UST: variants seen among roughly 807,000 people sequenced by gnomAD.
UST encodes the protein chondroitin sulfate 2-O-sulfotransferase.
A neutral mutation model predicts 45.6 loss-of-function variants in UST; 21 were observed. That is an observed-to-expected ratio of 0.46 (90% CI 0.33 to 0.66). The LOEUF is 0.66. Ranked by LOEUF, UST falls within the 30% of genes least tolerant of loss-of-function variation. The pLI is 0.02. For missense variants in UST, 463 were observed against 512.4 expected (o/e 0.90, Z 0.93); for synonymous variants, 215 against 200.6 (o/e 1.07, Z -0.61).
At chr6:148,911,761 G>T (rs1399604193) in intron 2 of UST, among the ~76,000 whole-genome samples, 1 of 151,362 alleles carries the variant, frequency 6.6e-6, no homozygotes, top group African/African-American at 2.4e-5. Context: ...TTTGTATATT[G>T]TCTCCATTCC....
At chr6:148,949,061 CG>C (rs1190068398) in intron 3 of UST, among the ~76,000 whole-genome samples, 2 of 151,974 alleles carry the variant, frequency 1.3e-5, no homozygotes, top group Non-Finnish European at 2.9e-5. Flanking sequence ...CAGGCCAAGG[CG>C]GGTGGATCAC....
At chr6:149,058,556 A>G (rs1353192247) in intron 7 of UST, among the ~76,000 whole-genome samples, 11 of 152,186 alleles carry the variant, frequency 7.2e-5, no homozygotes, top group Admixed American at 7.2e-4. Context: ...CTGCTGCAAT[A>G]GTATTTCTCT....
intron 1 of UST, among the ~76,000 whole-genome samples, chr6:148,763,512 AT>A (rs1280793773): frequency 6.6e-6 from 1 of 152,086 alleles, no homozygotes; most frequent in Non-Finnish European, 1.5e-5. Context: ...CTTTAGTTTA[AT>A]TAAGTCCCTT....
At chr6:148,920,646 A>T (rs1779685655) in intron 2 of UST, among the ~76,000 whole-genome samples, 1 of 152,170 alleles carries the variant, frequency 6.6e-6, no homozygotes, top group Non-Finnish European at 1.5e-5. Flanking sequence ...CTTCCACCTC[A>T]GCCTCCTGAG....
intron 5 of UST, among the ~76,000 whole-genome samples, chr6:148,985,759 G>A (rs576922872): frequency 5.9e-5 from 9 of 152,192 alleles, no homozygotes; most frequent in Admixed American, 2.0e-4. Flanking sequence ...GGAAGAGGTA[G>A]GTCCTCAGAA....
intron 1 of UST, among the ~76,000 whole-genome samples, chr6:148,880,541 A>T (rs888331204): frequency 6.6e-6 from 1 of 152,240 alleles, no homozygotes; most frequent in Admixed American, 6.5e-5. Flanking sequence ...AAGTCCTCCA[A>T]GTGCTCCAAC....
At chr6:148,866,518 G>T (rs1275110216) in intron 1 of UST, among the ~76,000 whole-genome samples, 1 of 152,108 alleles carries the variant, frequency 6.6e-6, no homozygotes, top group Admixed American at 6.5e-5. Flanking sequence ...TTGAATGAGA[G>T]CACTACCTAG....
At chr6:148,869,774 C>G (rs1778513717) in intron 1 of UST, among the ~76,000 whole-genome samples, 1 of 152,158 alleles carries the variant, frequency 6.6e-6, no homozygotes, top group Non-Finnish European at 1.5e-5. Context: ...TTACCCGTTT[C>G]CCTAAAGCAT....
intron 2 of UST, among the ~76,000 whole-genome samples, chr6:148,921,404 C>A (rs896801262): frequency 2.0e-5 from 3 of 152,186 alleles, no homozygotes; most frequent in Non-Finnish European, 4.4e-5. Context: ...GCAATCATAA[C>A]TTGCTTTTTC....
chr6:148,971,118 T>C (rs913685794), intron 5 of UST, among the ~76,000 whole-genome samples: 2 of 152,180 alleles, frequency 1.3e-5, no homozygotes, highest in African/African-American at 4.8e-5. Context: ...ATTCTGACAC[T>C]TGGCTATGCC....
intron 5 of UST, among the ~76,000 whole-genome samples, chr6:149,015,088 G>C (rs1202983961): frequency 6.6e-6 from 1 of 152,156 alleles, no homozygotes; most frequent in Non-Finnish European, 1.5e-5. Flanking sequence ...ACTGGAGGCA[G>C]TGACTGGAGT....
intron 7 of UST, among the ~76,000 whole-genome samples, chr6:149,031,916 A>G (rs553119677): frequency 1.1e-4 from 17 of 152,326 alleles, no homozygotes; most frequent in African/African-American, 4.1e-4. Flanking sequence ...TGCCAAGTGG[A>G]CGTGGAAGGA....
intron 5 of UST, among the ~76,000 whole-genome samples, chr6:148,984,003 G>T (rs1054929315): frequency 9.9e-5 from 15 of 152,088 alleles, no homozygotes; most frequent in African/African-American, 1.7e-4. Flanking sequence ...TTCTTCCTGG[G>T]TTTTTTCCTT....
At chr6:148,961,192 A>C (rs944740041) in intron 4 of UST, among the ~76,000 whole-genome samples, 2 of 152,244 alleles carry the variant, frequency 1.3e-5, no homozygotes, top group African/African-American at 4.8e-5. Flanking sequence ...GTGCTTACAG[A>C]GTCGGGGAAT....
chr6:148,823,844 G>A (rs1355140298), intron 1 of UST, among the ~76,000 whole-genome samples: 1 of 152,156 alleles, frequency 6.6e-6, no homozygotes, highest in East Asian at 1.9e-4. Context: ...GATGATGCAG[G>A]ATGTTCGATG....
chr6:148,831,068 G>GGT, intron 1 of UST, among the ~76,000 whole-genome samples: 1 of 111,486 alleles, frequency 9.0e-6, no homozygotes, highest in Non-Finnish European at 2.2e-5. Context: ...AGAAAGAAAA[G>GGT]GGGGGGGTGG....
intron 7 of UST, among the ~76,000 whole-genome samples, chr6:149,070,022 A>T (rs1391709939): frequency 6.6e-6 from 1 of 152,218 alleles, no homozygotes; most frequent in East Asian, 1.9e-4. Flanking sequence ...CTTTACAAGG[A>T]TCTAGGCTCC....
At position 148,944,508 on chromosome 6, in the gene UST, T is replaced by TACACACACACACACAC. The variant is rs10663979; in HGVS notation, c.447+3098_447+3113dup. Reference sequence around the variant, plus strand: ...GCTCTCTGGAGGGTAGTTGTGATCATACACACACACACACACACACACACA... The same window carrying TACACACACACACACAC: ...GCTCTCTGGAGGGTAGTTGTGATCATACACACACACACACACACACACACACACACACACACACACA... On this transcript the variant is annotated intron_variant, in intron 3 of 7. Transcript: ENST00000367463. Among the ~76,000 whole-genome samples the TACACACACACACACAC allele has an allele frequency of 5.6e-5, 8 of 142,636 alleles. No homozygotes were observed. In the East Asian group the frequency reaches 6.1e-4, roughly 11 times the overall value. 93.6% of individuals were successfully genotyped at this position (142,636 alleles called of 152,430 possible). A position where few individuals can be genotyped will look rare whatever the true frequency, so the allele number is the denominator to read the frequency against.
At chr6:149,071,122 G>T (rs947985100) in intron 7 of UST, among the ~76,000 whole-genome samples, 2 of 152,106 alleles carry the variant, frequency 1.3e-5, no homozygotes, top group Admixed American at 1.3e-4. Context: ...TCACCCTGTT[G>T]TGCTATCAAA....
Sources: allele counts gnomAD v4.1 joint callset (sites outside exome capture counted in the v4.1 genomes callset), GRCh38; gene constraint gnomAD v4.1.1; transcripts MANE v1.5; gene names NCBI Gene and HGNC (gene_info 2026-07-23, HGNC 2026-07-21).